MALRD1: variants seen among roughly 807,000 people sequenced by gnomAD.
MALRD1 encodes MAM and LDL-receptor class A domain-containing protein 1.
A neutral mutation model predicts 242.1 loss-of-function variants in MALRD1; 247 were observed. The observed-to-expected ratio is 1.02, with a 90% CI of 0.92 to 1.13. MALRD1 has a LOEUF of 1.13. Among genes scored for constraint, MALRD1 ranks in the 50% most tolerant of loss-of-function variants. The probability of loss-of-function intolerance (pLI) is 0.00; values close to 1 mark genes in which losing one functional copy is unlikely to be tolerated. For missense variants in MALRD1, 2,989 were observed against 2,533.1 expected (o/e 1.18, Z -3.86); for synonymous variants, 995 against 866.6 (o/e 1.15, Z -2.60).
At chr10:19,194,633 G>C (rs764345212) in intron 14 of MALRD1, among the ~76,000 whole-genome samples, 1 of 151,828 alleles carries the variant, frequency 6.6e-6, no homozygotes, top group Admixed American at 6.6e-5. Context: ...CTTTTTCCTT[G>C]TCTGCTGTGT....
intron 28 of MALRD1, among the ~76,000 whole-genome samples, chr10:19,427,424 A>G (rs911174782): frequency 1.3e-5 from 2 of 152,218 alleles, no homozygotes; most frequent in Non-Finnish European, 2.9e-5. Flanking sequence ...ATGTCCAGAT[A>G]ATAGATTATA....
At chr10:19,290,911 C>G (rs1474177390) in intron 21 of MALRD1, among the ~76,000 whole-genome samples, 2 of 152,062 alleles carry the variant, frequency 1.3e-5, no homozygotes, top group Admixed American at 1.3e-4. Context: ...GTACTCTGAC[C>G]TACACAATTA....
intron 28 of MALRD1, among the ~76,000 whole-genome samples, chr10:19,427,137 G>A (rs560102679): frequency 1.3e-5 from 2 of 152,200 alleles, no homozygotes; most frequent in African/African-American, 4.8e-5. Flanking sequence ...CTTAGAACAA[G>A]GATATGAATT....
At chr10:19,590,183 T>G (rs1837690576) in intron 33 of MALRD1, among the ~76,000 whole-genome samples, 1 of 151,472 alleles carries the variant, frequency 6.6e-6, no homozygotes, top group African/African-American at 2.4e-5. Flanking sequence ...ACATAGAAAT[T>G]TTAAGAGAAA....
chr10:19,047,960 A>G (rs994358474), upstream of MALRD1, among the ~76,000 whole-genome samples: 4 of 152,206 alleles, frequency 2.6e-5, no homozygotes, highest in Admixed American at 1.3e-4. Context: ...AAGAAATCAA[A>G]TATAAAGCAA....
In MALRD1 at chr10:19,103,566, T is replaced by TAAAAA. The variant is rs1349573768; in HGVS notation, c.598-410_598-409insAAAAA. Among the ~76,000 whole-genome samples, 135 of 139,448 alleles carry TAAAAA rather than the reference T, an allele frequency of 9.7e-4. 2 individuals carry two copies. Among genetic ancestry groups the TAAAAA allele is most frequent in the African/African-American group, 1.2e-3 (45 of 37,048 alleles). The allele number at this position is 139,448 out of a possible 152,430, so 91.5% of individuals were successfully genotyped here. A position where few individuals can be genotyped will look rare whatever the true frequency, so the allele number is the denominator to read the frequency against. On this transcript the variant is annotated intron_variant, in intron 4 of 39. Coordinates refer to ENST00000454679, the MANE Select transcript of MALRD1 (RefSeq NM_001142308.3). Reference sequence around the variant, plus strand: ...GACTCCGTCTCAAAAAAAAAAAAAATAAATAAAGATTTAGAGAACCAAAGG... The same window carrying TAAAAA: ...GACTCCGTCTCAAAAAAAAAAAAAATAAAAAAAATAAAGATTTAGAGAACCAAAGG...
At chr10:19,639,436 C>T (rs1487373406) in intron 36 of MALRD1, among the ~76,000 whole-genome samples, 2 of 152,096 alleles carry the variant, frequency 1.3e-5, no homozygotes, top group African/African-American at 4.8e-5. Flanking sequence ...GATGCCATAC[C>T]CTTTAAGGCA....
In MALRD1 at chr10:19,387,615, A is replaced by C; in HGVS notation, c.4529A>C (p.Asp1510Ala). 6.4e-7 allele frequency: 1 copy of C among 1,550,410 alleles called. No individual in the cohort carries two copies. The highest frequency in any genetic ancestry group is 8.7e-7 in the Non-Finnish European group (1 of 1,146,876). The change falls in exon 27 of 40, where the codon GAT becomes GCT. Residue 1510 changes from aspartate (D) to alanine (A), a missense_variant. Coordinates refer to ENST00000454679, the MANE Select transcript of MALRD1 (RefSeq NM_001142308.3). ...TGTAACTTCGTAGATAACTGTGGAGATAATACTGATGAAAATGAGTGTGGT... is the reference window on the plus strand; with the variant it reads ...TGTAACTTCGTAGATAACTGTGGAGCTAATACTGATGAAAATGAGTGTGGT... ...QSCNFVDNCG[D>A]NTDENECGSS...
At chr10:19,377,327 A>G (rs1051605993) in intron 26 of MALRD1, among the ~76,000 whole-genome samples, 20 of 152,290 alleles carry the variant, frequency 1.3e-4, no homozygotes, top group Middle Eastern at 3.4e-3. Flanking sequence ...ATAATATAAC[A>G]TTTTATTACT....
At chr10:19,652,145 G>C (rs900368268) in intron 36 of MALRD1, among the ~76,000 whole-genome samples, 1 of 152,156 alleles carries the variant, frequency 6.6e-6, no homozygotes, top group Non-Finnish European at 1.5e-5. Flanking sequence ...GCCTGTTCTT[G>C]GCACAGCCTG....
intron 28 of MALRD1, among the ~76,000 whole-genome samples, chr10:19,391,162 G>A (rs1442822350): frequency 6.6e-6 from 1 of 152,074 alleles, no homozygotes; most frequent in South Asian, 2.1e-4. Flanking sequence ...AATTCCTGTG[G>A]TTCCTCTAAT....
At chr10:19,652,131 G>A (rs1840925004) in intron 36 of MALRD1, among the ~76,000 whole-genome samples, 2 of 152,194 alleles carry the variant, frequency 1.3e-5, no homozygotes, top group Admixed American at 1.3e-4. Flanking sequence ...AGTCCAGGAT[G>A]AGAGCCTGTT....
intron 36 of MALRD1, among the ~76,000 whole-genome samples, chr10:19,658,111 G>C (rs1841251953): frequency 6.6e-6 from 1 of 151,876 alleles, no homozygotes; most frequent in Non-Finnish European, 1.5e-5. Context: ...TCATGCCATT[G>C]CACTCCAGCC....
At chr10:19,508,360 A>G (rs981603275) in intron 31 of MALRD1, among the ~76,000 whole-genome samples, 4 of 152,192 alleles carry the variant, frequency 2.6e-5, no homozygotes, top group African/African-American at 9.6e-5. Flanking sequence ...GAATTTATGT[A>G]TGTTGTCTCA....
At chr10:19,684,003 C>T (rs564887049) in intron 36 of MALRD1, among the ~76,000 whole-genome samples, 2 of 152,102 alleles carry the variant, frequency 1.3e-5, no homozygotes, top group African/African-American at 2.4e-5. Flanking sequence ...TGTTCAGCTC[C>T]CACTTATGAG....
rs371316080 is a variant in MALRD1 at position 19,694,182 on chromosome 10, C to T, written c.6314+1628C>T. Reference sequence around the variant, plus strand: ...TAGGCATGGGCAAGGACTTCATGTCCAAAACACCAAAAGCAATGGCAACAA... The same window carrying T: ...TAGGCATGGGCAAGGACTTCATGTCTAAAACACCAAAAGCAATGGCAACAA... On this transcript the variant is annotated intron_variant, in intron 38 of 39. Transcript: ENST00000454679. 7.3e-4 allele frequency among the ~76,000 whole-genome samples: 111 copies of T among 151,898 alleles called. No homozygotes were observed. The East Asian group carries it at 0.018, about 25-fold the overall frequency.
chr10:19,231,000 C>G (rs1242096522), intron 18 of MALRD1, among the ~76,000 whole-genome samples: 1 of 152,098 alleles, frequency 6.6e-6, no homozygotes, highest in Non-Finnish European at 1.5e-5. Context: ...GACCCAAATC[C>G]TCCCTCAAAA....
Position 19,491,600 on chromosome 10 carries a change from G to C in MALRD1, c.5113G>C (p.Asp1705His). The C allele has an allele frequency of 6.5e-7, 1 of 1,550,116 alleles. No homozygotes were observed. Among genetic ancestry groups the C allele is most frequent in the Non-Finnish European group, 8.7e-7 (1 of 1,146,864 alleles). Residue 1705 changes from aspartate (D) to histidine (H), a missense_variant, in exon 30 of 40, where the codon GAC (aspartate) becomes CAC (histidine). Coordinates refer to ENST00000454679, the MANE Select transcript of MALRD1 (RefSeq NM_001142308.3). ...GTGCATTGCATCCCACCTTCTTTGT[G>C]ACTATAAGCCAGACTGCTCTGATAG... ...KKCIASHLLC[D>H]YKPDCSDRSD...
At chr10:19,335,512 T>G (rs1166038579) in intron 24 of MALRD1, among the ~76,000 whole-genome samples, 1 of 152,178 alleles carries the variant, frequency 6.6e-6, no homozygotes, top group African/African-American at 2.4e-5. Flanking sequence ...TTATATGCTA[T>G]GAACTTTGAT....
Sources: gnomAD v4.1 joint callset for allele counts (sites outside exome capture counted in the v4.1 genomes callset) on GRCh38, gnomAD v4.1.1 for gene constraint, MANE v1.5 for transcripts, NCBI Gene and HGNC (gene_info 2026-07-23, HGNC 2026-07-21) for gene names.